ROBO2: variants seen among roughly 807,000 people sequenced by gnomAD.
ROBO2 encodes roundabout guidance receptor 2, also known as roundabout homolog 2.
Under a neutral mutation model 160.8 loss-of-function variants are expected in ROBO2, and 53 were observed. That is an observed-to-expected ratio of 0.33 (90% CI 0.26 to 0.41). ROBO2 has a LOEUF of 0.41. Ranked by LOEUF, ROBO2 falls within the 10% of genes least tolerant of loss-of-function variation. The probability of loss-of-function intolerance (pLI) is 1.00; values close to 1 mark genes in which losing one functional copy is unlikely to be tolerated. For missense variants in ROBO2, 1,577 were observed against 1,722.4 expected (o/e 0.92, Z 1.49); for synonymous variants, 664 against 611.7 (o/e 1.09, Z -1.26).
At chr3:76,475,026 T>C (rs9866083) in intron 2 of ROBO2, among the ~76,000 whole-genome samples, 40,300 of 151,618 alleles carry the variant, frequency 0.27, 6,870 homozygotes, top group African/African-American at 0.47. Context: ...GGCTGAGGAA[T>C]GGGGAGGACA....
chr3:76,482,604 G>A (rs967423244), intron 2 of ROBO2, among the ~76,000 whole-genome samples: 10 of 152,060 alleles, frequency 6.6e-5, no homozygotes, highest in Non-Finnish European at 1.2e-4. Flanking sequence ...CTCTAGAGAC[G>A]TAGGTTAAGA....
chr3:76,913,874 CTG>C (rs2076147774), intron 2 of ROBO2, among the ~76,000 whole-genome samples: 1 of 151,618 alleles, frequency 6.6e-6, no homozygotes, highest in African/African-American at 2.4e-5. Flanking sequence ...AGAGGAGTAA[CTG>C]AATAATACTC....
intron 1 of ROBO2, among the ~76,000 whole-genome samples, chr3:77,054,932 G>GTGTGTGTA (rs1230087124): frequency 1.5e-4 from 15 of 99,794 alleles, no homozygotes; most frequent in Admixed American, 1.3e-3. Flanking sequence ...GCGTGTATGT[G>GTGTGTGTA]TGTGTGTGTG....
At chr3:77,516,208 T>C (rs1553998188) in intron 5 of ROBO2, among the ~76,000 whole-genome samples, 3 of 151,646 alleles carry the variant, frequency 2.0e-5, no homozygotes, top group Non-Finnish European at 1.5e-5. Flanking sequence ...TATCCCAATT[T>C]GTGCTATGCC....
At chr3:76,715,325 A>C (rs1315218937) in intron 2 of ROBO2, among the ~76,000 whole-genome samples, 2 of 152,196 alleles carry the variant, frequency 1.3e-5, no homozygotes, top group African/African-American at 4.8e-5. Flanking sequence ...ACATCAACAA[A>C]ACAAAACAAA....
intron 2 of ROBO2, among the ~76,000 whole-genome samples, chr3:76,380,053 T>C (rs1449343045): frequency 6.6e-6 from 1 of 152,138 alleles, no homozygotes; most frequent in African/African-American, 2.4e-5. Flanking sequence ...AAAAAATCAT[T>C]GACAGATTTA....
intron 2 of ROBO2, among the ~76,000 whole-genome samples, chr3:77,457,139 C>T (rs2081741431): frequency 6.6e-6 from 1 of 152,104 alleles, no homozygotes; most frequent in South Asian, 2.1e-4. Flanking sequence ...TGATAACATT[C>T]TCTAGGAAGT....
chr3:77,610,444 C>CTT (rs1327848666), intron 21 of ROBO2, among the ~76,000 whole-genome samples: 1 of 151,994 alleles, frequency 6.6e-6, no homozygotes. Flanking sequence ...TGTGGAAGAA[C>CTT]TAATAATCTC....
intron 23 of ROBO2, among the ~76,000 whole-genome samples, chr3:77,626,500 A>G (rs2095030746): frequency 6.6e-6 from 1 of 152,230 alleles, no homozygotes; most frequent in Admixed American, 6.5e-5. Context: ...GAAAGTAAAC[A>G]TAAAGGCTTG....
rs572418300 is a variant in ROBO2, at chr3:77,515,799, G to A, written c.807-6976G>A. Among the ~76,000 whole-genome samples the A allele has an allele frequency of 5.3e-5, 8 of 151,730 alleles. No homozygotes were observed. In the East Asian group the frequency reaches 1.6e-3, roughly 30 times the overall value. ...GCCAGAAGACTTAGATTCCAATACG[G>A]TCTAAACCTTTGCTACCGATGAATT... On this transcript the variant is annotated intron_variant, in intron 5 of 25. Transcript: ENST00000461745.
chr3:77,504,047 C>T (rs1582528621), intron 5 of ROBO2, among the ~76,000 whole-genome samples: 1 of 152,114 alleles, frequency 6.6e-6, no homozygotes, highest in East Asian at 1.9e-4. Flanking sequence ...AACTCACTGG[C>T]GCTTCATTTT....
intron 2 of ROBO2, among the ~76,000 whole-genome samples, chr3:77,151,743 G>T (rs1040657691): frequency 2.1e-4 from 32 of 152,072 alleles, no homozygotes; most frequent in African/African-American, 6.8e-4. Context: ...AGCAAGAAAT[G>T]GTATTTTCTC....
chr3:76,145,621 T>C (rs914449509), intron 2 of ROBO2, among the ~76,000 whole-genome samples: 1 of 152,060 alleles, frequency 6.6e-6, no homozygotes, highest in Admixed American at 6.6e-5. Flanking sequence ...TCTATGTATA[T>C]GAGAGAGATA....
At chr3:76,746,484 C>G (rs2093894333) in intron 2 of ROBO2, among the ~76,000 whole-genome samples, 1 of 152,060 alleles carries the variant, frequency 6.6e-6, no homozygotes, top group Admixed American at 6.6e-5. Context: ...TCCACATCCT[C>G]TCCAGCACCT....
At chr3:76,149,430 G>A (rs550750809) in intron 2 of ROBO2, among the ~76,000 whole-genome samples, 7 of 152,136 alleles carry the variant, frequency 4.6e-5, no homozygotes, top group East Asian at 3.9e-4. Context: ...GGGCCTTTGC[G>A]CTTGCTGTCA....
chr3:76,591,573 G>A (rs2086420097), intron 2 of ROBO2, among the ~76,000 whole-genome samples: 1 of 152,090 alleles, frequency 6.6e-6, no homozygotes, highest in East Asian at 1.9e-4. Context: ...AAAATCCTCA[G>A]GTGTTATAAA....
intron 2 of ROBO2, among the ~76,000 whole-genome samples, chr3:76,659,700 C>G (rs1560324173): frequency 6.6e-6 from 1 of 152,152 alleles, no homozygotes; most frequent in East Asian, 1.9e-4. Flanking sequence ...AAAGAATTGG[C>G]TGATGAAACA....
At chr3:76,052,726 T>C (rs2067697174) in intron 2 of ROBO2, among the ~76,000 whole-genome samples, 1 of 152,140 alleles carries the variant, frequency 6.6e-6, no homozygotes, top group Non-Finnish European at 1.5e-5. Flanking sequence ...GGTTCCAAAT[T>C]GAAATTTTCC....
rs571181025 is a variant in ROBO2, at chr3:75,982,731, T to C, written c.109+45129T>C. Among the ~76,000 whole-genome samples, 11 of 151,586 alleles carry C rather than the reference T, an allele frequency of 7.3e-5. No homozygotes were observed. In the South Asian group the frequency reaches 2.1e-3, roughly 29 times the overall value. Reference sequence around the variant, plus strand: ...GGATGAATGCAAAAGTTTGGTAACATTTTTGACACTTGACTGTGGCAGTTG... The same window carrying C: ...GGATGAATGCAAAAGTTTGGTAACACTTTTGACACTTGACTGTGGCAGTTG... On this transcript the variant is annotated intron_variant, in intron 2 of 26. Coordinates refer to the ROBO2 transcript ENST00000487694.
Sources: allele counts gnomAD v4.1 joint callset (sites outside exome capture counted in the v4.1 genomes callset), GRCh38; gene constraint gnomAD v4.1.1; transcripts MANE v1.5; gene names NCBI Gene and HGNC (gene_info 2026-07-23, HGNC 2026-07-21).